Variants in CNTN4 observed in about 807,000 individuals in gnomAD.
The protein encoded by CNTN4 is contactin 4, also known as contactin-4.
A neutral mutation model predicts 122.5 loss-of-function variants in CNTN4; 77 were observed. The ratio of observed to expected loss-of-function variants is 0.63; its 90% CI spans 0.52 to 0.76. CNTN4 has a LOEUF of 0.76. CNTN4 is among the 30% of genes least tolerant of loss of function. The probability of loss-of-function intolerance (pLI) is 0.00; values close to 1 mark genes in which losing one functional copy is unlikely to be tolerated. For missense variants in CNTN4, 1,256 were observed against 1,259.1 expected, an observed-to-expected ratio of 1.00 and a Z score of 0.04; for synonymous variants, 512 against 447.0, an observed-to-expected ratio of 1.15 and a Z score of -1.83.
chr3:3,003,166 AG>A (rs1027702927), intron 14 of CNTN4, among the ~76,000 whole-genome samples: 3 of 152,214 alleles, frequency 2.0e-5, no homozygotes, highest in Non-Finnish European at 4.4e-5. Flanking sequence ...ATTGATTCCA[AG>A]GTGGTGCCTT....
In CNTN4 at chr3:3,056,158, G is replaced by C. The variant is rs1701778355; in HGVS notation, c.3019G>C (p.Ala1007Pro). The stretch of plus-strand genomic sequence containing the variant: ...AGGATCTGGGGCTTCCACTTCGAAT[G>C]CATGTACGCTGTCAGCCATCAGTAC... ...ARGSGASTSNACTLSAISTIM... is the reference protein window; with the variant it reads ...ARGSGASTSNPCTLSAISTIM... Residue 1007 changes from alanine to proline, a missense_variant, in exon 25 of 25, where the codon GCA (alanine) becomes CCA (proline). Transcript: ENST00000418658. 6.2e-7 allele frequency: 1 copy of C among 1,614,110 alleles called. No individual in the cohort carries two copies. The highest frequency in any genetic ancestry group is 8.5e-7 in the Non-Finnish European group (1 of 1,179,986).
At chr3:2,745,314 A>G (rs2089694148) in intron 5 of CNTN4, among the ~76,000 whole-genome samples, 1 of 152,208 alleles carries the variant, frequency 6.6e-6, no homozygotes. Flanking sequence ...TTTTAATATC[A>G]TTGTTTACTT....
intron 2 of CNTN4, among the ~76,000 whole-genome samples, chr3:2,204,401 G>C (rs1208329242): frequency 6.6e-6 from 1 of 152,004 alleles, no homozygotes; most frequent in African/African-American, 2.4e-5. Context: ...CTTCTCTTTT[G>C]ATCCTAAAAG....
intron 4 of CNTN4, among the ~76,000 whole-genome samples, chr3:2,689,713 A>G (rs763900693): frequency 1.8e-4 from 27 of 152,112 alleles, no homozygotes; most frequent in Non-Finnish European, 3.1e-4. Flanking sequence ...AGAGCAGCTG[A>G]TATAAGAGAC....
chr3:2,708,152 A>G (rs2086854872), intron 4 of CNTN4, among the ~76,000 whole-genome samples: 2 of 152,188 alleles, frequency 1.3e-5, no homozygotes, highest in African/African-American at 4.8e-5. Flanking sequence ...ATTATATTTC[A>G]AAGTTTCAAT....
chr3:2,721,002 T>G (rs910430628), intron 4 of CNTN4, among the ~76,000 whole-genome samples: 9 of 152,268 alleles, frequency 5.9e-5, no homozygotes, highest in Admixed American at 2.0e-4. Context: ...AGACAGAGTC[T>G]TGCTCTGTTG....
chr3:2,113,647 A>G (rs2033128379), intron 2 of CNTN4, among the ~76,000 whole-genome samples: 1 of 152,034 alleles, frequency 6.6e-6, no homozygotes. Context: ...AAGGATAGGT[A>G]CAGTTGAGTT....
intron 3 of CNTN4, among the ~76,000 whole-genome samples, chr3:2,468,939 G>A (rs1356117682): frequency 6.6e-6 from 1 of 152,084 alleles, no homozygotes; most frequent in Non-Finnish European, 1.5e-5. Context: ...TAGCTCATTG[G>A]TCATTCCTAG....
At chr3:2,302,530 G>A (rs1046150274) in intron 2 of CNTN4, among the ~76,000 whole-genome samples, 1 of 152,146 alleles carries the variant, frequency 6.6e-6, no homozygotes, top group Non-Finnish European at 1.5e-5. Flanking sequence ...GAGCTAACTG[G>A]TATATATTAA....
rs149864256 is a variant in CNTN4, at chr3:2,637,866, T to A, written c.55+66308T>A. 2.3e-4 allele frequency among the ~76,000 whole-genome samples: 35 copies of A among 152,260 alleles called. No individual in the cohort carries two copies. In the East Asian group the frequency reaches 6.4e-3, roughly 28 times the overall value. ...ACAGACGCTTCCCTTGATTGACTCT[T>A]CATCGAATGCCTAATCTAACTTTGA... On this transcript the variant is annotated intron_variant, in intron 4 of 24. Transcript: ENST00000418658.
intron 3 of CNTN4, among the ~76,000 whole-genome samples, chr3:2,342,247 G>T (rs1033274527): frequency 2.0e-5 from 3 of 152,102 alleles, no homozygotes; most frequent in Non-Finnish European, 4.4e-5. Flanking sequence ...CTTGGGTCAT[G>T]TTAGGTTACT....
intron 6 of CNTN4, among the ~76,000 whole-genome samples, chr3:2,754,730 G>A (rs3897737): frequency 0.63 from 94,956 of 149,982 alleles, 30,750 homozygotes; most frequent in Admixed American, 0.72. Flanking sequence ...CTCTTCTGCT[G>A]TTGCGGAATG....
intron 3 of CNTN4, among the ~76,000 whole-genome samples, chr3:2,485,970 G>A (rs1056735374): frequency 2.0e-5 from 3 of 152,164 alleles, no homozygotes; most frequent in African/African-American, 7.2e-5. Context: ...CTTCCACACT[G>A]TGGAAGCTTT....
intron 2 of CNTN4, among the ~76,000 whole-genome samples, chr3:2,261,152 C>G (rs940154825): frequency 2.0e-5 from 3 of 151,992 alleles, no homozygotes; most frequent in African/African-American, 7.3e-5. Context: ...AGAAAAATTC[C>G]TAATTTTTTT....
chr3:2,704,697 G>T (rs1297547444), intron 4 of CNTN4, among the ~76,000 whole-genome samples: 2 of 152,132 alleles, frequency 1.3e-5, no homozygotes, highest in Non-Finnish European at 2.9e-5. Flanking sequence ...TAGACCATAA[G>T]ATTGACTTTT....
intron 14 of CNTN4, among the ~76,000 whole-genome samples, chr3:3,015,072 A>C (rs1261500406): frequency 6.6e-6 from 1 of 152,084 alleles, no homozygotes; most frequent in Non-Finnish European, 1.5e-5. Flanking sequence ...ACAAAGTCTT[A>C]ATTCAGGGCT....
At chr3:2,407,539 T>A (rs779880757) in intron 3 of CNTN4, among the ~76,000 whole-genome samples, 2 of 152,128 alleles carry the variant, frequency 1.3e-5, no homozygotes, top group African/African-American at 2.4e-5. Context: ...GGAACAAATA[T>A]AAAGAACACT....
At chr3:2,478,407 T>C (rs1206614335) in intron 3 of CNTN4, among the ~76,000 whole-genome samples, 2 of 15,570 alleles carry the variant, frequency 1.3e-4, no homozygotes, top group Non-Finnish European at 4.5e-4. Context: ...TTTATCTGTT[T>C]GTTTTTTTTT....
intron 4 of CNTN4, among the ~76,000 whole-genome samples, chr3:2,611,381 A>C (rs1392290169): frequency 2.0e-5 from 3 of 151,952 alleles, no homozygotes; most frequent in African/African-American, 7.3e-5. Context: ...GACTCTTTCA[A>C]GGGTACTGAT....
Sources: allele counts gnomAD v4.1 joint callset (sites outside exome capture counted in the v4.1 genomes callset), GRCh38; gene constraint gnomAD v4.1.1; transcripts MANE v1.5; gene names NCBI Gene and HGNC (gene_info 2026-07-23, HGNC 2026-07-21).